WIPF1: variants seen among roughly 807,000 people sequenced by gnomAD.
WIPF1 encodes the protein WAS/WASL-interacting protein family member 1.
In WIPF1, 13 loss-of-function variants were observed where a neutral mutation model predicts 35.4. The ratio of observed to expected loss-of-function variants is 0.37; its 90% CI spans 0.24 to 0.58. The LOEUF is 0.58. Ranked by LOEUF, WIPF1 falls within the 20% of genes least tolerant of loss-of-function variation. The pLI is 0.74. For synonymous variants in WIPF1, 267 were observed against 266.3 expected (o/e 1.00, Z -0.02); for missense variants, 591 against 667.0 (o/e 0.89, Z 1.25).
At chr2:174,636,659 C>G (rs1446157569) in intron 1 of WIPF1, among the ~76,000 whole-genome samples, 2 of 152,196 alleles carry the variant, frequency 1.3e-5, no homozygotes, top group Non-Finnish European at 2.9e-5. Context: ...CTCCACTTGG[C>G]TGTGATGGTT....
chr2:174,562,485 T>C lies in WIPF1; in HGVS notation c.*62A>G. On this transcript the variant is annotated 3_prime_UTR_variant, in exon 8 of 8. Transcript: ENST00000679041. ...AAGGGAAGAAGCAGGGAGGAGGGTA[T>C]GCAGTTCTTAGATAGCAACAGAAGC... The C allele has an allele frequency of 6.2e-7, 1 of 1,612,478 alleles. No individual in the cohort carries two copies. Among genetic ancestry groups the C allele is most frequent in the East Asian group, 2.2e-5 (1 of 44,870 alleles).
chr2:174,671,514 T>C (rs1371788354), intron 1 of WIPF1, among the ~76,000 whole-genome samples: 2 of 152,178 alleles, frequency 1.3e-5, no homozygotes, highest in Non-Finnish European at 2.9e-5. Context: ...GAGATAACCA[T>C]TAGGTCTGGC....
At chr2:174,628,542 C>T (rs1407155898) in intron 1 of WIPF1, among the ~76,000 whole-genome samples, 1 of 152,234 alleles carries the variant, frequency 6.6e-6, no homozygotes, top group African/African-American at 2.4e-5. Flanking sequence ...AACCATATGG[C>T]TGTGCTGTCT....
In WIPF1 at chr2:174,595,110, ATATATATATAT is replaced by A. The variant is rs374615798; in HGVS notation, c.-39+2480_-39+2490del. 4.9e-4 allele frequency among the ~76,000 whole-genome samples: 15 copies of A among 30,756 alleles called. 1 individual carries two copies. The highest frequency in any genetic ancestry group is 0.023 in the Middle Eastern group (1 of 44). The allele number at this position is 30,756 out of a possible 152,430, so 20.2% of individuals were successfully genotyped here. A position where few individuals can be genotyped will look rare whatever the true frequency, so the allele number is the denominator to read the frequency against. ...CTACAAAAAAAAAAAAAAAAAAAAA[ATATATATATAT>A]ATATATATATATATATATAATTAAC... On this transcript the variant is annotated intron_variant, in intron 1 of 7. Coordinates refer to ENST00000679041, the MANE Select transcript of WIPF1 (RefSeq NM_001375834.1).
chr2:174,595,635 A>G (rs1685798358), intron 1 of WIPF1, among the ~76,000 whole-genome samples: 1 of 152,244 alleles, frequency 6.6e-6, no homozygotes, highest in Non-Finnish European at 1.5e-5. Context: ...CGAGAAAGAG[A>G]AACCATGAGC....
intron 3 of WIPF1, among the ~76,000 whole-genome samples, chr2:174,576,981 G>C (rs1685083430): frequency 6.6e-6 from 1 of 152,088 alleles, no homozygotes; most frequent in Non-Finnish European, 1.5e-5. Context: ...ATGATATTTA[G>C]ACTTTCCATT....
At chr2:174,642,343 C>CTTTTTTTTTT (rs780884199) in intron 1 of WIPF1, among the ~76,000 whole-genome samples, 2 of 102,824 alleles carry the variant, frequency 1.9e-5, no homozygotes, top group Admixed American at 1.2e-4. Context: ...CTTCCTCCAC[C>CTTTTTTTTTT]TTTTTTTTTT....
At chr2:174,568,203 T>C (rs1684725678) in intron 5 of WIPF1, 130 bp from the exon 6 acceptor site, 1 of 1,177,082 alleles carries the variant, frequency 8.5e-7, no homozygotes, top group Admixed American at 3.0e-5. Context: ...TCTAGGATAT[T>C]TGGCTGAGAA....
At chr2:174,634,132 A>G (rs1387697456) in intron 1 of WIPF1, among the ~76,000 whole-genome samples, 1 of 152,196 alleles carries the variant, frequency 6.6e-6, no homozygotes, top group African/African-American at 2.4e-5. Flanking sequence ...TGTATTTTCT[A>G]ACACCCTTTG....
chr2:174,665,419 A>G (rs1247283565), intron 1 of WIPF1: 3 of 152,082 alleles, frequency 2.0e-5, no homozygotes, highest in Non-Finnish European at 2.9e-5. Context: ...CACCAACACC[A>G]CCTCATCAAC....
At chr2:174,656,510 A>C (rs1687643435) in intron 1 of WIPF1, among the ~76,000 whole-genome samples, 1 of 152,218 alleles carries the variant, frequency 6.6e-6, no homozygotes, top group African/African-American at 2.4e-5. Flanking sequence ...CATTTACATT[A>C]CATCACATTT....
chr2:174,575,297 C>A lies in WIPF1; in HGVS notation c.265G>T (p.Gly89Cys), dbSNP rs778700289. 2 of 1,613,572 alleles carry A rather than the reference C, an allele frequency of 1.2e-6. No individual in the cohort carries two copies. Among genetic ancestry groups the A allele is most frequent in the Non-Finnish European group, 1.7e-6 (2 of 1,179,926 alleles). The change falls in exon 4 of 8, where the codon GGT becomes TGT. Residue 89 changes from glycine to cysteine, a missense_variant. Around this residue, in one of 3 missense-constraint regions of WIPF1, gnomAD observed 471 missense variants for 501.1 expected, o/e 0.94. Coordinates refer to ENST00000679041, the MANE Select transcript of WIPF1 (RefSeq NM_001375834.1). The stretch of plus-strand genomic sequence containing the variant: ...GGTCCGCCCCCTCCAAAACTTCCAC[C>A]GCCTCCGCCACCACCTCCTCCGCCA... ...GFGGGGGGGG[G>C]GSFGGGGPPG... is the part of the protein sequence containing the mutation.
chr2:174,585,098 G>A (rs564344267), intron 2 of WIPF1, among the ~76,000 whole-genome samples: 1 of 152,254 alleles, frequency 6.6e-6, no homozygotes, highest in East Asian at 1.9e-4. Context: ...GAGTGAGACC[G>A]GAAGACACTT....
chr2:174,661,872 G>T lies in WIPF1; in HGVS notation c.-39+20902C>A, dbSNP rs1001494723. Among the ~76,000 whole-genome samples, 5 of 152,128 alleles carry T rather than the reference G, an allele frequency of 3.3e-5. No individual in the cohort carries two copies. The East Asian group carries it at 5.8e-4, about 18-fold the overall frequency. ...TGGGTCACTGGGTGTGTGGTGTCTG[G>T]GGGGGTGTGGCTGCCTTAAAGACCA... On this transcript the variant is annotated intron_variant, in intron 1 of 8. Transcript: ENST00000272746.
intron 1 of WIPF1, among the ~76,000 whole-genome samples, chr2:174,620,683 C>A (rs185673612): frequency 4.4e-4 from 67 of 152,078 alleles, no homozygotes; most frequent in South Asian, 4.1e-4. Flanking sequence ...GGGCAGAGTA[C>A]CAAGGTAAGA....
rs370604430 is a variant in WIPF1 at position 174,586,156 on chromosome 2, G to A, written c.-38-545C>T. ...CCTCCAGGGAGAGGGCATGGAGAAT[G>A]TCAGGTGGAAAGCAGGGAGCAGCAG... On this transcript the variant is annotated intron_variant, in intron 1 of 7. Coordinates refer to ENST00000679041, the MANE Select transcript of WIPF1 (RefSeq NM_001375834.1). Among the ~76,000 whole-genome samples, 96 of 152,304 alleles carry A rather than the reference G, an allele frequency of 6.3e-4. No individual in the cohort carries two copies. The East Asian group carries it at 0.017, about 27-fold the overall frequency.
intron 1 of WIPF1, among the ~76,000 whole-genome samples, chr2:174,607,923 C>T (rs1046365052): frequency 2.0e-4 from 31 of 152,352 alleles, no homozygotes; most frequent in African/African-American, 7.2e-4. Context: ...CTAACTTTCA[C>T]TTAACCTGGG....
Position 174,624,432 on chromosome 2 carries a change from C to G in WIPF1, c.-38-38821G>C, listed in dbSNP as rs74939564. On this transcript the variant is annotated intron_variant, in intron 1 of 8. Coordinates refer to the WIPF1 transcript ENST00000272746. ...TATTTTTCTTCTCGCTAGTGAAAAACAGCCTGGGATGCTATCGACAGGCCC... is the reference window on the plus strand; with the variant it reads ...TATTTTTCTTCTCGCTAGTGAAAAAGAGCCTGGGATGCTATCGACAGGCCC... Among the ~76,000 whole-genome samples the G allele has an allele frequency of 2.0e-3, 303 of 152,294 alleles. 1 individual carries two copies. The highest frequency in any genetic ancestry group is 4.1e-3 in the South Asian group (20 of 4,826).
At chr2:174,627,741 T>A (rs1686893259) in intron 1 of WIPF1, among the ~76,000 whole-genome samples, 1 of 152,038 alleles carries the variant, frequency 6.6e-6, no homozygotes, top group African/African-American at 2.4e-5. Context: ...AGATGGGGTC[T>A]TCCTACGTTG....
Sources: allele counts gnomAD v4.1 joint callset (sites outside exome capture counted in the v4.1 genomes callset), GRCh38; gene constraint gnomAD v4.1.1; regional missense constraint gnomAD v4.1.1; transcripts MANE v1.5; gene names NCBI Gene and HGNC (gene_info 2026-07-23, HGNC 2026-07-21).